GRIN2D: variants seen among roughly 807,000 people sequenced by gnomAD.
GRIN2D encodes glutamate receptor ionotropic, NMDA 2D.
In GRIN2D, 37 loss-of-function variants were observed where a neutral mutation model predicts 103.2. That is an observed-to-expected ratio of 0.36 (90% CI 0.28 to 0.47). The LOEUF is 0.47. GRIN2D is among the 20% of genes least tolerant of loss of function. GRIN2D has a pLI of 1.00. For missense variants in GRIN2D, 1,557 were observed against 1,910.6 expected, an observed-to-expected ratio of 0.81 and a Z score of 3.45; for synonymous variants, 845 against 885.6, an observed-to-expected ratio of 0.95 and a Z score of 0.81.
chr19:48,398,988 A>C, intron 3 of GRIN2D, 131 bp downstream of exon 3: 1 of 875,116 alleles, frequency 1.1e-6, no homozygotes, highest in Non-Finnish European at 1.6e-6. Flanking sequence ...AGTCTGGGAC[A>C]AGGTGGGCCC....
chr19:48,443,172 G>T lies in GRIN2D; in HGVS notation c.3246G>T (p.Thr1082=), dbSNP rs917605243. The change falls in exon 14 of 14, where the codon ACG becomes ACT. Residue 1082 remains threonine (T), a synonymous_variant. Transcript: ENST00000263269. This position sits in a 1 kb window ranked among gnomAD's most constrained non-coding sequence, Gnocchi z 8.9. Reference sequence around the variant, plus strand: ...CAGGCGCGGGCGGCGCGGGGGGCACGGGGGGCGCAGGCGGAGGAGCCCCGG... The same window carrying T: ...CAGGCGCGGGCGGCGCGGGGGGCACTGGGGGCGCAGGCGGAGGAGCCCCGG... ...LGPGAGGAGG[T]GGAGGGAPAA... 9.6e-7 allele frequency: 1 copy of T among 1,042,354 alleles called. No homozygotes were observed. The highest frequency in any genetic ancestry group is 5.9e-5 in the East Asian group (1 of 16,846). 64.6% of individuals were successfully genotyped at this position (1,042,354 alleles called of 1,614,324 possible). A position where few individuals can be genotyped will look rare whatever the true frequency, so the allele number is the denominator to read the frequency against.
At chr19:48,410,558 G>T (rs1041703000) in intron 4 of GRIN2D, among the ~76,000 whole-genome samples, 2 of 140,686 alleles carry the variant, frequency 1.4e-5, no homozygotes, top group South Asian at 4.7e-4. Flanking sequence ...AAAAGCAGTC[G>T]GAGTGTGGGT....
In GRIN2D at chr19:48,414,970, C is replaced by T; in HGVS notation, c.1519C>T (p.Leu507=). ...HTIGFSYDLY[L]VTNGKHGKKI... ...CATCGGCTTCAGCTACGACCTCTAC[C>T]TGGTCACCAATGGCAAGCACGGAAA... The change falls in exon 7 of 14, where the codon CTG becomes TTG. Residue 507 remains leucine, a synonymous_variant. Transcript: ENST00000263269. This position sits in a 1 kb window ranked among gnomAD's most constrained non-coding sequence, Gnocchi z 4.6. 1 of 1,613,362 alleles carries T rather than the reference C, an allele frequency of 6.2e-7. No homozygotes were observed. The highest frequency in any genetic ancestry group is 8.5e-7 in the Non-Finnish European group (1 of 1,179,584).
At chr19:48,400,744 G>A (rs1970701965) in intron 3 of GRIN2D, among the ~76,000 whole-genome samples, 1 of 152,180 alleles carries the variant, frequency 6.6e-6, no homozygotes, top group Non-Finnish European at 1.5e-5. Flanking sequence ...ACCTGCTGAA[G>A]GAAGAGGTTC....
chr19:48,444,862 C>T lies in GRIN2D; in HGVS notation c.*925C>T, dbSNP rs780532707. Reference sequence around the variant, plus strand: ...GGTCTGGGAGTCCACACTTCTCCACCAACTTCCCTTCCCACTCTCTTATTC... The same window carrying T: ...GGTCTGGGAGTCCACACTTCTCCACTAACTTCCCTTCCCACTCTCTTATTC... On this transcript the variant is annotated 3_prime_UTR_variant, in exon 14 of 14. Transcript: ENST00000263269. This position sits in a 1 kb window ranked among gnomAD's most constrained non-coding sequence, Gnocchi z 5.5. 1 of 152,300 alleles carries T rather than the reference C, an allele frequency of 6.6e-6. No homozygotes were observed. The highest frequency in any genetic ancestry group is 2.4e-5 in the African/African-American group (1 of 41,440). 9.4% of individuals were successfully genotyped at this position (152,300 alleles called of 1,614,324 possible). A position where few individuals can be genotyped will look rare whatever the true frequency, so the allele number is the denominator to read the frequency against.
rs1971017110 is a variant in GRIN2D, at chr19:48,421,119, G to A, written c.2092-666G>A. Among the ~76,000 whole-genome samples, 1 of 152,166 alleles carries A rather than the reference G, an allele frequency of 6.6e-6. No individual in the cohort carries two copies. On this transcript the variant is annotated intron_variant, in intron 10 of 13. Transcript: ENST00000263269. This position sits in a 1 kb window ranked among gnomAD's most constrained non-coding sequence, Gnocchi z 4.8. ...ATAGTTGCCTGCATCTTATGTATAAGTTTGGTTTTACAAAACTTGTTTTAG... is the reference window on the plus strand; with the variant it reads ...ATAGTTGCCTGCATCTTATGTATAAATTTGGTTTTACAAAACTTGTTTTAG...
At chr19:48,431,368 T>G (rs1971153113) in intron 11 of GRIN2D, among the ~76,000 whole-genome samples, 1 of 152,208 alleles carries the variant, frequency 6.6e-6, no homozygotes, top group Admixed American at 6.6e-5. Context: ...TCTGTCCTTG[T>G]ACTTGATGGA....
At chr19:48,400,921 C>T (rs1167676398) in intron 3 of GRIN2D, among the ~76,000 whole-genome samples, 1 of 151,988 alleles carries the variant, frequency 6.6e-6, no homozygotes, top group African/African-American at 2.4e-5. Context: ...TGAAAATTAG[C>T]CGGGCATGGT....
chr19:48,441,995 G>A (rs985209353), intron 12 of GRIN2D, 39 bp downstream of exon 12: 1 of 1,568,808 alleles, frequency 6.4e-7, no homozygotes, highest in Non-Finnish European at 8.7e-7. Flanking sequence ...CGGAGAGGGG[G>A]AGGGCGAGGC....
At chr19:48,418,697 TG>T (rs1316729367) in intron 8 of GRIN2D, among the ~76,000 whole-genome samples, 1 of 151,948 alleles carries the variant, frequency 6.6e-6, no homozygotes, top group Admixed American at 6.6e-5. Flanking sequence ...AAATGAGGTT[TG>T]GGCCTGTGAC....
rs139385105 is a variant in GRIN2D, at chr19:48,427,256, G to A, written c.2252+5311G>A. Among the ~76,000 whole-genome samples, 356 of 152,066 alleles carry A rather than the reference G, an allele frequency of 2.3e-3. 2 individuals are homozygous for A. The highest frequency in any genetic ancestry group is 8.3e-3 in the African/African-American group (343 of 41,530). On this transcript the variant is annotated intron_variant, in intron 11 of 13. Transcript: ENST00000263269. ...GAACTGCATGAGCCCTGGAGGCAGA[G>A]GTTGCAGTGAGCCAAGACCACACCA...
At chr19:48,397,151 G>A (rs1200225588) in intron 2 of GRIN2D, among the ~76,000 whole-genome samples, 1 of 152,096 alleles carries the variant, frequency 6.6e-6, no homozygotes, top group East Asian at 1.9e-4. Flanking sequence ...CCCAGATGGG[G>A]CCATGACTCC....
chr19:48,443,973 C>T lies in GRIN2D; in HGVS notation c.*36C>T. 2.3e-6 allele frequency: 3 copies of T among 1,316,666 alleles called. No homozygotes were observed. Among genetic ancestry groups the T allele is most frequent in the Non-Finnish European group, 2.9e-6 (3 of 1,021,904 alleles). 81.6% of individuals were successfully genotyped at this position (1,316,666 alleles called of 1,614,324 possible). A position where few individuals can be genotyped will look rare whatever the true frequency, so the allele number is the denominator to read the frequency against. On this transcript the variant is annotated 3_prime_UTR_variant, in exon 14 of 14. Transcript: ENST00000263269. This position sits in a 1 kb window ranked among gnomAD's most constrained non-coding sequence, Gnocchi z 8.9. ...GGGGCCCCACCGCCCCCTTGGTCAG[C>T]GCAGGCCACGGCCCGAGGGGGCGCC...
intron 2 of GRIN2D, among the ~76,000 whole-genome samples, chr19:48,397,137 A>G (rs1477116944): frequency 1.5e-5 from 2 of 136,526 alleles, no homozygotes; most frequent in Non-Finnish European, 3.2e-5. Flanking sequence ...CCCCAACCCC[A>G]CATCCCAGAT....
chr19:48,433,685 A>T (rs80038044), intron 11 of GRIN2D, among the ~76,000 whole-genome samples: 3,629 of 152,292 alleles, frequency 0.024, 151 homozygotes, highest in African/African-American at 0.081. Flanking sequence ...CTCACTCAAG[A>T]GGGGCAAAAA....
intron 11 of GRIN2D, among the ~76,000 whole-genome samples, chr19:48,435,646 T>C (rs2147469749): frequency 6.6e-6 from 1 of 152,320 alleles, no homozygotes; most frequent in East Asian, 1.9e-4. Flanking sequence ...GGTTTCACTA[T>C]GTTGGCCAAG....
chr19:48,435,844 T>A (rs898543093), intron 11 of GRIN2D, among the ~76,000 whole-genome samples: 1 of 152,260 alleles, frequency 6.6e-6, no homozygotes, highest in Non-Finnish European at 1.5e-5. Context: ...CCCTGCCTCA[T>A]GGAACTTAAA....
chr19:48,412,480 A>AGAAAGAAAG (rs1555892680), intron 4 of GRIN2D, among the ~76,000 whole-genome samples: 1 of 149,858 alleles, frequency 6.7e-6, no homozygotes, highest in African/African-American at 2.5e-5. Flanking sequence ...AAAGAAAGAA[A>AGAAAGAAAG]GAGAGAGAAA....
intron 4 of GRIN2D, among the ~76,000 whole-genome samples, chr19:48,409,856 G>C (rs928743807): frequency 6.6e-6 from 1 of 151,696 alleles, no homozygotes; most frequent in African/African-American, 2.4e-5. Context: ...TCTTGGTTCA[G>C]TGCAACCTCA....
Sources: allele counts gnomAD v4.1 joint callset (sites outside exome capture counted in the v4.1 genomes callset), GRCh38; gene constraint gnomAD v4.1.1; non-coding constraint Gnocchi (gnomAD v3.1); transcripts MANE v1.5; gene names NCBI Gene and HGNC (gene_info 2026-07-23, HGNC 2026-07-21).